Variants in KCNU1 observed in about 807,000 individuals in gnomAD.
KCNU1 encodes the protein potassium channel subfamily U member 1.
A neutral mutation model predicts 126.8 loss-of-function variants in KCNU1; 93 were observed. The ratio of observed to expected loss-of-function variants is 0.73; its 90% confidence interval spans 0.62 to 0.87. The LOEUF (loss-of-function observed/expected upper bound fraction) is 0.87. Among genes scored for constraint, KCNU1 ranks in the 40% least tolerant of loss-of-function variants. The probability of loss-of-function intolerance (pLI) is 0.00; values close to 1 mark genes in which losing one functional copy is unlikely to be tolerated. For missense variants in KCNU1, 1,330 were observed against 1,367.1 expected (o/e 0.97, Z 0.43); for synonymous variants, 523 against 494.2 (o/e 1.06, Z -0.77).
intron 19 of KCNU1, among the ~76,000 whole-genome samples, chr8:36,905,403 T>C (rs765882143): frequency 1.3e-5 from 2 of 149,628 alleles, no homozygotes; most frequent in Non-Finnish European, 3.0e-5. Flanking sequence ...AACAGTATCA[T>C]ACAGTATCAA....
At chr8:36,933,065 C>A in intron 26 of KCNU1, 33 bp downstream of exon 26, 1 of 1,267,898 alleles carries the variant, frequency 7.9e-7, no homozygotes, top group Non-Finnish European at 1.1e-6. Context: ...CACCATCCAC[C>A]CATTCAAGCA....
intron 10 of KCNU1, among the ~76,000 whole-genome samples, chr8:36,829,544 A>G (rs1245043088): frequency 6.6e-6 from 1 of 151,494 alleles, no homozygotes; most frequent in Non-Finnish European, 1.5e-5. Context: ...AGTTCTATCT[A>G]TCCCTAGAGC....
intron 18 of KCNU1, among the ~76,000 whole-genome samples, chr8:36,846,714 T>C (rs944908702): frequency 6.6e-6 from 1 of 150,524 alleles, no homozygotes; most frequent in Non-Finnish European, 1.5e-5. Flanking sequence ...AGGCAGAGAA[T>C]TGCTTGAACC....
intron 23 of KCNU1, among the ~76,000 whole-genome samples, chr8:36,921,291 T>A (rs1282026458): frequency 1.3e-5 from 2 of 152,116 alleles, no homozygotes; most frequent in Non-Finnish European, 2.9e-5. Flanking sequence ...CTCTTTAGGA[T>A]AGGAACCTGA....
chr8:36,785,887 T>C (rs1164625966), intron 1 of KCNU1, among the ~76,000 whole-genome samples: 1 of 152,228 alleles, frequency 6.6e-6, no homozygotes, highest in Non-Finnish European at 1.5e-5. Context: ...GGGTGTAATT[T>C]ATGTCTACAC....
intron 10 of KCNU1, among the ~76,000 whole-genome samples, chr8:36,822,139 C>A (rs990928715): frequency 6.6e-6 from 1 of 151,942 alleles, no homozygotes; most frequent in Non-Finnish European, 1.5e-5. Flanking sequence ...GACAGTATGC[C>A]GGTTATGCCA....
intron 18 of KCNU1, among the ~76,000 whole-genome samples, chr8:36,862,969 C>G (rs979598223): frequency 2.6e-5 from 4 of 152,108 alleles, no homozygotes; most frequent in Non-Finnish European, 5.9e-5. Flanking sequence ...CCATTCCCCC[C>G]AGGGCAAAAT....
chr8:36,829,091 C>T (rs925295021), intron 10 of KCNU1, among the ~76,000 whole-genome samples: 1 of 151,800 alleles, frequency 6.6e-6, no homozygotes, highest in South Asian at 2.1e-4. Flanking sequence ...ATGTGTTTTG[C>T]CTATTTATTT....
At chr8:36,871,946 G>A (rs1174493622) in intron 19 of KCNU1, among the ~76,000 whole-genome samples, 1 of 152,136 alleles carries the variant, frequency 6.6e-6, no homozygotes, top group African/African-American at 2.4e-5. Flanking sequence ...ATAAGACAAA[G>A]TGAAGGTTAT....
chr8:36,918,409 G>T (rs1808204824), intron 22 of KCNU1, among the ~76,000 whole-genome samples: 1 of 151,826 alleles, frequency 6.6e-6, no homozygotes, highest in Non-Finnish European at 1.5e-5. Flanking sequence ...AAATAAATTA[G>T]CTGGGTATGG....
At chr8:36,871,664 C>A (rs1434773647) in intron 19 of KCNU1, among the ~76,000 whole-genome samples, 1 of 152,086 alleles carries the variant, frequency 6.6e-6, no homozygotes, top group East Asian at 1.9e-4. Flanking sequence ...CTTTGTGAGT[C>A]TGTGGACAGG....
intron 10 of KCNU1, among the ~76,000 whole-genome samples, chr8:36,830,244 A>G (rs182812061): frequency 6.6e-6 from 1 of 151,714 alleles, no homozygotes; most frequent in African/African-American, 2.4e-5. Flanking sequence ...TGAGACATCA[A>G]ATATAACGTT....
At chr8:36,924,328 A>G (rs1166521867) in intron 24 of KCNU1, among the ~76,000 whole-genome samples, 2 of 152,208 alleles carry the variant, frequency 1.3e-5, no homozygotes, top group African/African-American at 2.4e-5. Context: ...GGAGGTCCAC[A>G]GTGAGAGGCA....
intron 10 of KCNU1, among the ~76,000 whole-genome samples, chr8:36,827,004 C>T (rs973508952): frequency 3.3e-5 from 5 of 152,192 alleles, no homozygotes; most frequent in Admixed American, 6.5e-5. Flanking sequence ...GCTGTGGCTT[C>T]TGCTAGATGT....
At chr8:36,926,034 GT>G (rs772723609) in intron 24 of KCNU1, among the ~76,000 whole-genome samples, 1 of 152,064 alleles carries the variant, frequency 6.6e-6, no homozygotes, top group Non-Finnish European at 1.5e-5. Flanking sequence ...ATTTAGATGA[GT>G]TTTCTTGTTG....
intron 19 of KCNU1, among the ~76,000 whole-genome samples, chr8:36,866,772 G>A (rs1367201410): frequency 1.3e-5 from 2 of 152,038 alleles, no homozygotes; most frequent in Non-Finnish European, 2.9e-5. Context: ...TGAATCAGAG[G>A]CCAAAGAAAG....
intron 7 of KCNU1, among the ~76,000 whole-genome samples, chr8:36,809,369 G>A (rs7006091): frequency 0.24 from 35,843 of 152,072 alleles, 4,962 homozygotes; most frequent in African/African-American, 0.37. Flanking sequence ...TTGAAGAGCA[G>A]TCATTAGCAA....
At chr8:36,786,414 A>T (rs1802713250) in intron 1 of KCNU1, among the ~76,000 whole-genome samples, 1 of 152,314 alleles carries the variant, frequency 6.6e-6, no homozygotes, top group East Asian at 1.9e-4. Flanking sequence ...ATTGATCAGG[A>T]TGTGAACTTT....
intron 7 of KCNU1, among the ~76,000 whole-genome samples, chr8:36,813,876 T>C (rs2130457228): frequency 6.6e-6 from 1 of 152,170 alleles, no homozygotes; most frequent in Middle Eastern, 3.4e-3. Context: ...GCCTTTGGAG[T>C]ACCCTGGCTC....
Sources: gnomAD v4.1 joint callset for allele counts (sites outside exome capture counted in the v4.1 genomes callset) on GRCh38, gnomAD v4.1.1 for gene constraint, MANE v1.5 for transcripts, NCBI Gene and HGNC (gene_info 2026-07-23, HGNC 2026-07-21) for gene names.